Variants in RHOBTB1 observed in about 807,000 individuals in gnomAD.
RHOBTB1 encodes the protein rho-related BTB domain-containing protein 1.
Under a neutral mutation model 71.6 loss-of-function variants are expected in RHOBTB1, and 40 were observed. The ratio of observed to expected loss-of-function variants is 0.56; its 90% CI spans 0.43 to 0.73. The LOEUF is 0.73. Ranked by LOEUF, RHOBTB1 falls within the 30% of genes least tolerant of loss-of-function variation. The pLI is 0.00. For missense variants in RHOBTB1, 797 were observed against 894.0 expected (o/e 0.89, Z 1.38); for synonymous variants, 319 against 334.9 (o/e 0.95, Z 0.52).
chr10:60,872,800 G>T (rs2080863588), intron 9 of RHOBTB1, among the ~76,000 whole-genome samples: 2 of 152,056 alleles, frequency 1.3e-5, no homozygotes, highest in Admixed American at 1.3e-4. Flanking sequence ...GTATGGGCAG[G>T]GTGGAGAGAT....
At chr10:60,886,597 G>A (rs2081587922) in intron 6 of RHOBTB1, among the ~76,000 whole-genome samples, 1 of 151,524 alleles carries the variant, frequency 6.6e-6, no homozygotes, top group Non-Finnish European at 1.5e-5. Context: ...TTTGTTTTAC[G>A]TATATTTTTA....
At chr10:60,886,648 C>T (rs1439743247) in intron 6 of RHOBTB1, among the ~76,000 whole-genome samples, 2 of 150,368 alleles carry the variant, frequency 1.3e-5, no homozygotes, top group Non-Finnish European at 3.0e-5. Context: ...TTAAACCTTA[C>T]ATTTATAATA....
chr10:60,926,176 G>T (rs1441986390), intron 2 of RHOBTB1, among the ~76,000 whole-genome samples: 1 of 152,174 alleles, frequency 6.6e-6, no homozygotes, highest in African/African-American at 2.4e-5. Context: ...GGCAAGGGTT[G>T]CAGTAAGCTG....
intron 2 of RHOBTB1, among the ~76,000 whole-genome samples, chr10:60,928,957 G>A (rs1307308489): frequency 6.6e-6 from 1 of 152,116 alleles, no homozygotes; most frequent in African/African-American, 2.4e-5. Flanking sequence ...GAGGCCTCAG[G>A]AATCTTAAAA....
At chr10:60,965,577 C>T (rs1452474911) in intron 2 of RHOBTB1, among the ~76,000 whole-genome samples, 1 of 152,018 alleles carries the variant, frequency 6.6e-6, no homozygotes, top group Admixed American at 6.6e-5. Context: ...GAGTAATGTG[C>T]TCTTTGATTC....
upstream of RHOBTB1, among the ~76,000 whole-genome samples, chr10:60,949,098 T>A (rs536437155): frequency 2.0e-5 from 3 of 152,302 alleles, no homozygotes; most frequent in East Asian, 5.8e-4. Context: ...ATGCTAAGTA[T>A]TGATGGGTCA....
intron 9 of RHOBTB1, among the ~76,000 whole-genome samples, chr10:60,873,499 A>G (rs1487436217): frequency 6.6e-6 from 1 of 152,178 alleles, no homozygotes; most frequent in Admixed American, 6.5e-5. Flanking sequence ...CAATAATCAT[A>G]TTATTTCCTT....
intron 2 of RHOBTB1, among the ~76,000 whole-genome samples, chr10:60,957,863 G>C (rs930798177): frequency 4.6e-5 from 7 of 152,098 alleles, no homozygotes; most frequent in African/African-American, 1.7e-4. Context: ...AGGTATGGGA[G>C]GTTAAGTCAC....
At chr10:60,998,888 C>T (rs1245643007) in intron 1 of RHOBTB1, among the ~76,000 whole-genome samples, 2 of 152,230 alleles carry the variant, frequency 1.3e-5, no homozygotes, top group Non-Finnish European at 2.9e-5. Context: ...AAGTACCAGA[C>T]TGTAGTGGTT....
At chr10:60,900,768 GA>G (rs2082377857) in intron 4 of RHOBTB1, among the ~76,000 whole-genome samples, 1 of 152,192 alleles carries the variant, frequency 6.6e-6, no homozygotes, top group Admixed American at 6.5e-5. Context: ...AATAAAGAAT[GA>G]AAATATAATG....
chr10:60,926,852 TC>T (rs1265014980), intron 2 of RHOBTB1, among the ~76,000 whole-genome samples: 1 of 152,154 alleles, frequency 6.6e-6, no homozygotes, highest in Non-Finnish European at 1.5e-5. Flanking sequence ...CCACTTTTAT[TC>T]AACATAATAC....
At chr10:60,956,108 C>T (rs2085583105) in intron 2 of RHOBTB1, among the ~76,000 whole-genome samples, 1 of 152,124 alleles carries the variant, frequency 6.6e-6, no homozygotes. Context: ...ATGGCATAGC[C>T]TACTACACAC....
chr10:60,972,132 G>A (rs975751377), intron 2 of RHOBTB1, among the ~76,000 whole-genome samples: 2 of 152,116 alleles, frequency 1.3e-5, no homozygotes, highest in Admixed American at 1.3e-4. Context: ...ACAGTGTGGC[G>A]ATTCCTCAAG....
intron 2 of RHOBTB1, among the ~76,000 whole-genome samples, chr10:60,970,838 A>G (rs2086129061): frequency 6.6e-6 from 1 of 152,054 alleles, no homozygotes; most frequent in Admixed American, 6.6e-5. Context: ...CTGCAGTTGG[A>G]CCAAATAACA....
chr10:60,913,273 A>G (rs1171444517), intron 2 of RHOBTB1, among the ~76,000 whole-genome samples: 2 of 152,188 alleles, frequency 1.3e-5, no homozygotes, highest in African/African-American at 4.8e-5. Context: ...GCAGGAATGG[A>G]GTAGAGTGAT....
intron 2 of RHOBTB1, among the ~76,000 whole-genome samples, chr10:60,976,314 A>T (rs183795396): frequency 6.6e-6 from 1 of 151,620 alleles, no homozygotes; most frequent in East Asian, 1.9e-4. Flanking sequence ...GACTATATGT[A>T]TATATATTAT....
chr10:60,950,795 A>G (rs2085383966), intron 2 of RHOBTB1, among the ~76,000 whole-genome samples: 1 of 152,232 alleles, frequency 6.6e-6, no homozygotes, highest in Admixed American at 6.5e-5. Context: ...TTGATTTAGG[A>G]GTGCCAAAGA....
chr10:60,989,758 G>T (rs1314910053), intron 1 of RHOBTB1, among the ~76,000 whole-genome samples: 1 of 152,096 alleles, frequency 6.6e-6, no homozygotes, highest in Non-Finnish European at 1.5e-5. Context: ...CCAGACATGT[G>T]CTCTGTGATG....
intron 2 of RHOBTB1, among the ~76,000 whole-genome samples, chr10:60,961,673 T>C (rs2085782259): frequency 6.6e-6 from 1 of 152,140 alleles, no homozygotes; most frequent in African/African-American, 2.4e-5. Flanking sequence ...CCACCTAGGA[T>C]TAGCATGAAG....
Sources: gnomAD v4.1 joint callset for allele counts (sites outside exome capture counted in the v4.1 genomes callset) on GRCh38, gnomAD v4.1.1 for gene constraint, MANE v1.5 for transcripts, NCBI Gene and HGNC (gene_info 2026-07-23, HGNC 2026-07-21) for gene names.